KDM1A: variants seen among roughly 807,000 people sequenced by gnomAD.
KDM1A encodes lysine demethylase 1A.
In KDM1A, 49 loss-of-function variants were observed where a neutral mutation model predicts 109.4. The ratio of observed to expected loss-of-function variants is 0.45; its 90% CI spans 0.36 to 0.57. The LOEUF is 0.57. KDM1A is among the 20% of genes least tolerant of loss of function. The pLI, the probability that KDM1A is intolerant of heterozygous loss-of-function variation, is 0.00. For missense variants in KDM1A, 668 were observed against 1,116.6 expected, an observed-to-expected ratio of 0.60 and a Z score of 5.73; for synonymous variants, 380 against 415.4, an observed-to-expected ratio of 0.91 and a Z score of 1.04.
At chr1:23,036,653 C>T (rs1028302554) in intron 2 of KDM1A, among the ~76,000 whole-genome samples, 2 of 151,862 alleles carry the variant, frequency 1.3e-5, no homozygotes, top group African/African-American at 4.8e-5. Context: ...ACACACGGTC[C>T]CCACTCTCAG....
At chr1:23,081,939 G>A in intron 19 of KDM1A, 1 of 435,710 alleles carries the variant, frequency 2.3e-6, no homozygotes, top group Non-Finnish European at 4.1e-6. Flanking sequence ...TCCTTTGAAG[G>A]GAAGGATATT....
rs544511870 is a variant in KDM1A, at chr1:23,022,496, C to T, written c.351+2549C>T. ...GATTATAGGCATGCACCACCATGCC[C>T]GGCTAACTTTGTATTGTGTTTTTAG... is the stretch of plus-strand genomic sequence containing the variant. On this transcript the variant is annotated intron_variant, in intron 1 of 20. Transcript: ENST00000400181. Among the ~76,000 whole-genome samples the T allele has an allele frequency of 4.6e-5, 7 of 151,374 alleles. No homozygotes were observed. In the South Asian group the frequency reaches 6.3e-4, roughly 14 times the overall value.
rs1484416404 is a variant in KDM1A, at chr1:23,055,054, C to G, written c.791-15C>G. ...CTGAAAATAAAACCGTGTTTTTAAT[C>G]CACTTATTCTGTAGGTGATACTGTG... On this transcript the variant is annotated splice_polypyrimidine_tract_variant and intron_variant, in intron 5 of 20. Coordinates refer to ENST00000400181, the MANE Select transcript of KDM1A (RefSeq NM_001009999.3). 20 of 1,514,982 alleles carry G rather than the reference C, an allele frequency of 1.3e-5. No homozygotes were observed. Among genetic ancestry groups the G allele is most frequent in the Non-Finnish European group, 1.6e-5 (18 of 1,106,522 alleles). The allele number at this position is 1,514,982 out of a possible 1,614,324, so 93.8% of individuals were successfully genotyped here.
intron 15 of KDM1A, among the ~76,000 whole-genome samples, chr1:23,075,271 C>A (rs972142492): frequency 3.3e-4 from 51 of 152,316 alleles, no homozygotes; most frequent in African/African-American, 1.2e-3. Flanking sequence ...ATCTCTAAAT[C>A]TGAGACTTTG....
chr1:23,079,748 T>TATGC lies in KDM1A; in HGVS notation c.2170+82_2170+85dup. ...AAATATTTTGGGTTTTCTCAATATA[T>TATGC]ATGCCTTAATTTCTCTCTTTATTAA... On this transcript the variant is annotated intron_variant, in intron 18 of 20. Transcript: ENST00000400181. The surrounding 1 kb of genome is among the most constrained non-coding windows in gnomAD (Gnocchi z 5.6). 1.3e-6 allele frequency: 1 copy of TATGC among 776,238 alleles called. No individual in the cohort carries two copies. Among genetic ancestry groups the TATGC allele is most frequent in the Non-Finnish European group, 2.0e-6 (1 of 490,844 alleles). 48.1% of individuals were successfully genotyped at this position (776,238 alleles called of 1,614,324 possible).
At chr1:23,028,309 C>T (rs1329504087) in intron 1 of KDM1A, among the ~76,000 whole-genome samples, 1 of 152,166 alleles carries the variant, frequency 6.6e-6, no homozygotes, top group Admixed American at 6.5e-5. Context: ...GGATTACAGG[C>T]ATGAGCCACC....
intron 1 of KDM1A, among the ~76,000 whole-genome samples, chr1:23,029,570 G>A (rs1161190772): frequency 6.6e-6 from 1 of 152,090 alleles, no homozygotes; most frequent in African/African-American, 2.4e-5. Context: ...CTCCTTTATA[G>A]CCAGTGTGAA....
At chr1:23,037,127 T>TAC (rs779305833) in intron 2 of KDM1A, among the ~76,000 whole-genome samples, 1,535 of 113,092 alleles carry the variant, frequency 0.014, 10 homozygotes, top group Non-Finnish European at 0.022. Flanking sequence ...AAAAAATATA[T>TAC]ATACACACAC....
At chr1:23,050,630 A>C in intron 4 of KDM1A, 110 bp downstream of exon 4, 2 of 837,708 alleles carry the variant, frequency 2.4e-6, no homozygotes, top group Non-Finnish European at 3.4e-6. Context: ...ATTATCTATA[A>C]TACTATTATT....
intron 18 of KDM1A, chr1:23,081,195 C>A (rs756342981): frequency 2.4e-6 from 1 of 417,774 alleles, no homozygotes. Flanking sequence ...TGTATTTTGC[C>A]AGGTTAGAAG....
At chr1:23,028,663 G>A (rs968602061) in intron 1 of KDM1A, among the ~76,000 whole-genome samples, 1 of 151,960 alleles carries the variant, frequency 6.6e-6, no homozygotes, top group African/African-American at 2.4e-5. Flanking sequence ...TACTATAAAA[G>A]TTTATGGTCT....
intron 3 of KDM1A, 49 bp from the exon 4 acceptor site, chr1:23,050,338 T>A: frequency 6.4e-7 from 1 of 1,562,188 alleles, no homozygotes; most frequent in Non-Finnish European, 8.6e-7. Flanking sequence ...CACTACCCGT[T>A]TTGTATTCAC....
In KDM1A at chr1:23,079,198, C is replaced by T; in HGVS notation, c.2055+21C>T. 5 of 1,607,726 alleles carry T rather than the reference C, an allele frequency of 3.1e-6. No homozygotes were observed. The highest frequency in any genetic ancestry group is 4.3e-6 in the Non-Finnish European group (5 of 1,175,198). ...ACAAGGTAGCTTGCCCTAGACACTC[C>T]TGTCTACAGATCTGATGTACAAATA... On this transcript the variant is annotated intron_variant, in intron 17 of 20. Transcript: ENST00000400181. This position sits in a 1 kb window ranked among gnomAD's most constrained non-coding sequence, Gnocchi z 5.6.
intron 7 of KDM1A, among the ~76,000 whole-genome samples, 165 bp downstream of exon 7, chr1:23,056,203 T>C (rs1416524957): frequency 2.0e-5 from 3 of 152,214 alleles, no homozygotes; most frequent in African/African-American, 7.2e-5. Flanking sequence ...AAAGCTTTTT[T>C]TTTTAATGAA....
At chr1:23,070,807 CAA>C (rs375171669) in intron 12 of KDM1A, among the ~76,000 whole-genome samples, 1 of 120,208 alleles carries the variant, frequency 8.3e-6, no homozygotes. Flanking sequence ...GACTCTGTCT[CAA>C]AAAAAAAAAA....
At chr1:23,022,648 C>CTTTT (rs58124287) in intron 1 of KDM1A, among the ~76,000 whole-genome samples, 62 of 36,762 alleles carry the variant, frequency 1.7e-3, no homozygotes, top group Admixed American at 2.8e-3. Context: ...CCTTCTTCTT[C>CTTTT]TTTTTTTTTT....
At chr1:23,063,467 T>G (rs1175453072) in intron 9 of KDM1A, among the ~76,000 whole-genome samples, 1 of 152,158 alleles carries the variant, frequency 6.6e-6, no homozygotes, top group Non-Finnish European at 1.5e-5. Context: ...ACAGTGGTGC[T>G]TAGGTTAGTA....
chr1:23,022,350 T>G (rs986872770), intron 1 of KDM1A, among the ~76,000 whole-genome samples: 3 of 151,894 alleles, frequency 2.0e-5, no homozygotes, highest in South Asian at 4.2e-4. Flanking sequence ...TGTTGTTGTT[T>G]TTGAGATGGG....
intron 1 of KDM1A, 23 bp downstream of exon 1, chr1:23,019,970 A>G (rs1569596282): frequency 2.0e-6 from 3 of 1,495,000 alleles, no homozygotes; most frequent in South Asian, 1.3e-5. Context: ...CCTTCCCTCA[A>G]ACGACACCGC....
Sources: allele counts gnomAD v4.1 joint callset (sites outside exome capture counted in the v4.1 genomes callset), GRCh38; gene constraint gnomAD v4.1.1; non-coding constraint Gnocchi (gnomAD v3.1); transcripts MANE v1.5; gene names NCBI Gene and HGNC (gene_info 2026-07-23, HGNC 2026-07-21).